PRUNE2: variants seen among roughly 807,000 people sequenced by gnomAD.
PRUNE2 encodes the protein protein prune homolog 2.
In PRUNE2, 164 loss-of-function variants were observed where a neutral mutation model predicts 252.0. The observed-to-expected ratio is 0.65, with a 90% CI of 0.57 to 0.74. The LOEUF (loss-of-function observed/expected upper bound fraction) is 0.74, where lower values mean the gene tolerates loss of function less well. Among genes scored for constraint, PRUNE2 ranks in the 30% least tolerant of loss-of-function variants. The pLI, the probability that PRUNE2 is intolerant of heterozygous loss-of-function variation, is 0.00. For synonymous variants in PRUNE2, 1,292 were observed against 1,350.2 expected (o/e 0.96, Z 0.94); for missense variants, 3,495 against 3,711.0 (o/e 0.94, Z 1.51).
intron 4 of PRUNE2, among the ~76,000 whole-genome samples, chr9:76,843,255 A>G (rs1040640037): frequency 1.3e-5 from 2 of 152,174 alleles, no homozygotes; most frequent in Admixed American, 6.5e-5. Flanking sequence ...GTTCTCACTC[A>G]TAAGTGGGAG....
Position 76,865,974 on chromosome 9 carries a change from T to C in PRUNE2, c.37-11766A>G, listed in dbSNP as rs181170677. Among the ~76,000 whole-genome samples the C allele has an allele frequency of 4.9e-4, 75 of 152,342 alleles. No individual in the cohort carries two copies. The South Asian group carries it at 5.2e-3, about 11-fold the overall frequency. On this transcript the variant is annotated intron_variant, in intron 1 of 18. Coordinates refer to ENST00000376718, the MANE Select transcript of PRUNE2 (RefSeq NM_015225.3). ...TCATCACATATTTTCCTCTTTTCTC[T>C]CAAGACAAGATTCTTGACTTCTGAG...
intron 6 of PRUNE2, among the ~76,000 whole-genome samples, chr9:76,744,239 A>T (rs1035204558): frequency 2.6e-5 from 4 of 152,218 alleles, no homozygotes; most frequent in African/African-American, 9.7e-5. Context: ...CTCTTGTAAG[A>T]TTTAAATTAG....
rs1421668800 is a variant in PRUNE2 at position 76,780,776 on chromosome 9, G to C, written c.756+42856C>G. On this transcript the variant is annotated intron_variant, in intron 6 of 18. Transcript: ENST00000376718. The stretch of plus-strand genomic sequence containing the variant: ...TTGTTTTTGTTTTCAGATGTGGTAG[G>C]TGTTTCCCACAAAGACAGCTACTGA... 2.0e-5 allele frequency among the ~76,000 whole-genome samples: 3 copies of C among 152,178 alleles called. No homozygotes were observed. The East Asian group carries it at 5.8e-4, about 29-fold the overall frequency.
intron 6 of PRUNE2, among the ~76,000 whole-genome samples, chr9:76,768,513 T>G (rs2052686203): frequency 6.6e-6 from 1 of 151,870 alleles, no homozygotes; most frequent in Non-Finnish European, 1.5e-5. Flanking sequence ...AACTATCAAG[T>G]CTGTCTGCAG....
rs113503468 is a variant in PRUNE2 at position 76,850,433 on chromosome 9, T to A, written c.344+30A>T. The stretch of plus-strand genomic sequence containing the variant: ...CCCAGTAGAACCTTCATTGAGGGAT[T>A]AAACCTCAGAGCTTCACAGTGGATC... On this transcript the variant is annotated intron_variant, in intron 3 of 18. Transcript: ENST00000376718. The A allele has an allele frequency of 2.7e-5, 42 of 1,571,536 alleles. No individual in the cohort carries two copies. The African/African-American group carries it at 4.1e-4, about 15-fold the overall frequency.
intron 6 of PRUNE2, among the ~76,000 whole-genome samples, chr9:76,789,955 C>T (rs2055397461): frequency 6.6e-6 from 1 of 152,180 alleles, no homozygotes; most frequent in Admixed American, 6.5e-5. Flanking sequence ...GTGCAACCCC[C>T]TCTTTATCAT....
rs1473004293 is a variant in PRUNE2 at position 76,708,747 on chromosome 9, C to T, written c.3527G>A (p.Gly1176Asp). ...RFTVRQLEPW[G>D]LEYQEANQVD... is the part of the protein sequence containing the mutation. ...CTGATTTGCTTCCTGATACTCCAAG[C>T]CCCAGGGTTCCAGCTGTCTCACTGT... The change falls in exon 8 of 19, where the codon GGC becomes GAC. Residue 1176 changes from glycine to aspartate, a missense_variant. By Grantham distance (94) the Gly-to-Asp change is moderately conservative. Coordinates refer to ENST00000376718, the MANE Select transcript of PRUNE2 (RefSeq NM_015225.3). The T allele has an allele frequency of 2.5e-6, 4 of 1,613,840 alleles. No homozygotes were observed. The Admixed American group carries it at 6.7e-5, about 27-fold the overall frequency.
chr9:76,881,897 A>G (rs1006339372), intron 1 of PRUNE2, among the ~76,000 whole-genome samples: 1 of 152,178 alleles, frequency 6.6e-6, no homozygotes, highest in Admixed American at 6.5e-5. Flanking sequence ...CTGGGATTAC[A>G]GGTGTGAGCC....
chr9:76,676,212 C>A (rs2042548546), intron 9 of PRUNE2, among the ~76,000 whole-genome samples: 1 of 149,846 alleles, frequency 6.7e-6, no homozygotes. Flanking sequence ...TGAATATGGC[C>A]CGATATGAAT....
intron 9 of PRUNE2, among the ~76,000 whole-genome samples, chr9:76,684,033 AATG>A (rs1242113340): frequency 2.0e-5 from 3 of 151,990 alleles, no homozygotes; most frequent in Admixed American, 6.6e-5. Flanking sequence ...TACACTGTAG[AATG>A]ATTAGATTAA....
intron 6 of PRUNE2, among the ~76,000 whole-genome samples, chr9:76,726,821 C>T (rs906833224): frequency 6.6e-6 from 1 of 152,186 alleles, no homozygotes; most frequent in Non-Finnish European, 1.5e-5. Context: ...TTAGTACCAT[C>T]TATGAGGCAT....
chr9:76,702,935 C>T (rs1229402083), intron 9 of PRUNE2, among the ~76,000 whole-genome samples: 2 of 152,170 alleles, frequency 1.3e-5, no homozygotes, highest in South Asian at 2.1e-4. Context: ...CTCAACCCTA[C>T]TCCTTCCATT....
At chr9:76,669,682 A>C (rs752995140) in intron 9 of PRUNE2, among the ~76,000 whole-genome samples, 2 of 152,174 alleles carry the variant, frequency 1.3e-5, no homozygotes, top group Non-Finnish European at 2.9e-5. Context: ...GTCTAAGCTG[A>C]CTTCCAACTG....
intron 6 of PRUNE2, chr9:76,736,603 C>T (rs940573332): frequency 1.3e-5 from 2 of 152,210 alleles, no homozygotes; most frequent in African/African-American, 4.8e-5. Context: ...TGTGTCCTCA[C>T]GTGACAGAAA....
intron 4 of PRUNE2, among the ~76,000 whole-genome samples, chr9:76,837,225 C>A (rs1393278657): frequency 6.6e-6 from 1 of 151,996 alleles, no homozygotes; most frequent in Non-Finnish European, 1.5e-5. Context: ...GGGCGGATCA[C>A]AAGGTGAAGC....
chr9:76,751,279 C>G (rs1035450667), intron 6 of PRUNE2, among the ~76,000 whole-genome samples: 2 of 148,750 alleles, frequency 1.3e-5, no homozygotes, highest in African/African-American at 2.6e-5. Flanking sequence ...CACAGACACA[C>G]ACACACACAC....
chr9:76,619,341 C>G lies in PRUNE2; in HGVS notation c.9235G>C (p.Asp3079His). 6.3e-7 allele frequency: 1 copy of G among 1,595,884 alleles called. No individual in the cohort carries two copies. The highest frequency in any genetic ancestry group is 1.1e-5 in the South Asian group (1 of 89,358). ...NDPEMSSMEK[D>H]IDLKLKEKP ...CTGTTATTGATGGTGAATTCTTACT[C>G]CTTCTCCATAGAAGACATTTCTGGA... Residue 3079 changes from aspartate (D) to histidine (H), a missense_variant and splice_region_variant, in exon 18 of 19, where the codon GAT (aspartate) becomes CAT (histidine). Asp to His is a moderately conservative substitution (Grantham distance 81). Coordinates refer to ENST00000376718, the MANE Select transcript of PRUNE2 (RefSeq NM_015225.3).
In PRUNE2 at chr9:76,695,873, TTAAA is replaced by T. The variant is rs549927190; in HGVS notation, c.8276+7460_8276+7463del. Among the ~76,000 whole-genome samples the T allele has an allele frequency of 3.8e-3, 580 of 151,896 alleles. 2 individuals carry two copies. The highest frequency in any genetic ancestry group is 0.01 in the Middle Eastern group (3 of 294). ...GTGGAGACAGATGCAACAGAATCAA[TTAAA>T]TAAATAAGTAAATAGAAGATCTTTT... On this transcript the variant is annotated intron_variant, in intron 9 of 18. Transcript: ENST00000376718.
At chr9:76,845,154 T>C (rs1331859206) in intron 4 of PRUNE2, among the ~76,000 whole-genome samples, 1 of 152,124 alleles carries the variant, frequency 6.6e-6, no homozygotes, top group African/African-American at 2.4e-5. Flanking sequence ...AATCTGAATA[T>C]CATTGTTATC....
Sources: allele counts gnomAD v4.1 joint callset (sites outside exome capture counted in the v4.1 genomes callset), GRCh38; gene constraint gnomAD v4.1.1; transcripts MANE v1.5; gene names NCBI Gene and HGNC (gene_info 2026-07-23, HGNC 2026-07-21).